WHR1: variants seen among roughly 807,000 people sequenced by gnomAD.
WHR1 encodes the protein MHC class III HLA-RP1.
the WHR1 span, chr6:31,971,296 T>A: frequency 6.5e-7 from 1 of 1,537,382 alleles, no homozygotes; most frequent in South Asian, 1.3e-5. The surrounding 1 kb of genome is among the most constrained non-coding windows in gnomAD (Gnocchi z 4.5). Context: ...TCTCCAGATA[T>A]ACTGCCTACC....
At chr6:31,980,740 G>A in the WHR1 span, 3 of 1,607,522 alleles carry the variant, frequency 1.9e-6, 1 homozygote, top group South Asian at 2.2e-5. Context: ...GGCGCCTGTC[G>A]TGGTGCGGCT....
At chr6:31,980,725 C>T in the WHR1 span, 31 of 1,608,874 alleles carry the variant, frequency 1.9e-5, no homozygotes, top group South Asian at 5.5e-5. Flanking sequence ...GCTCCTGGGC[C>T]GGCGGGCGCC....
At chr6:31,979,685 T>A in the WHR1 span, 1 of 1,217,586 alleles carries the variant, frequency 8.2e-7, no homozygotes, top group Non-Finnish European at 1.1e-6. Context: ...CTCTTCTTGT[T>A]AATAAAATGA....
chr6:31,979,543 T>C, the WHR1 span: 1 of 1,612,912 alleles, frequency 6.2e-7, no homozygotes, highest in Non-Finnish European at 8.5e-7. Context: ...CTTCAGGGAC[T>C]CAGAAATCAC....
At chr6:31,973,024 CG>C in the WHR1 span, 2 of 693,784 alleles carry the variant, frequency 2.9e-6, no homozygotes, top group African/African-American at 1.8e-5. Flanking sequence ...TGCAGTCAGA[CG>C]TCAGATCATG....
chr6:31,978,884 C>G, the WHR1 span: 43 of 1,611,842 alleles, frequency 2.7e-5, no homozygotes, highest in African/African-American at 1.3e-5. Flanking sequence ...TCTTTTCACT[C>G]TCTTCTCTGT....
At chr6:31,972,586 C>T in the WHR1 span, 1 of 1,598,650 alleles carries the variant, frequency 6.3e-7, no homozygotes, top group Non-Finnish European at 8.6e-7. The surrounding 1 kb of genome is among the most constrained non-coding windows in gnomAD (Gnocchi z 6.3). Context: ...GTCCCCGCCC[C>T]AGTTCCCTGT....
chr6:31,979,179 G>T, the WHR1 span, among the ~76,000 whole-genome samples: 1 of 137,310 alleles, frequency 7.3e-6, no homozygotes. Context: ...AAAGAGGGAG[G>T]AGTGAGAGGG....
the WHR1 span, chr6:31,972,252 G>C: frequency 1.9e-6 from 3 of 1,612,978 alleles, no homozygotes; most frequent in East Asian, 2.2e-5. This position sits in a 1 kb window ranked among gnomAD's most constrained non-coding sequence, Gnocchi z 6.3. Flanking sequence ...CAGCACTGAC[G>C]GGCCTGAGGG....
chr6:31,972,570 A>C, the WHR1 span: 1 of 1,594,916 alleles, frequency 6.3e-7, no homozygotes, highest in Non-Finnish European at 8.6e-7. The surrounding 1 kb of genome is among the most constrained non-coding windows in gnomAD (Gnocchi z 6.3). Context: ...GTTTTGTTAG[A>C]ACCGCGTCCC....
the WHR1 span, chr6:31,971,442 T>C: frequency 2.5e-6 from 4 of 1,613,530 alleles, no homozygotes; most frequent in African/African-American, 5.3e-5. This position sits in a 1 kb window ranked among gnomAD's most constrained non-coding sequence, Gnocchi z 4.5. Context: ...AGTTGGGGCC[T>C]GGACCGTTAG....
chr6:31,972,326 G>C, the WHR1 span: 1 of 1,613,138 alleles, frequency 6.2e-7, no homozygotes, highest in Non-Finnish European at 8.5e-7. This position sits in a 1 kb window ranked among gnomAD's most constrained non-coding sequence, Gnocchi z 6.3. Context: ...GAGACCGTAC[G>C]TCACTGCTCT....
the WHR1 span, among the ~76,000 whole-genome samples, chr6:31,978,583 C>T: frequency 6.6e-6 from 1 of 152,202 alleles, no homozygotes; most frequent in Admixed American, 6.5e-5. Context: ...CCCCACCTTA[C>T]CCTACCCAGA....
At chr6:31,978,792 G>A in the WHR1 span, 1 of 912,924 alleles carries the variant, frequency 1.1e-6, no homozygotes. Context: ...TTTACTAAGA[G>A]AAAATGCCCC....
chr6:31,976,094 C>CA, the WHR1 span, among the ~76,000 whole-genome samples: 13 of 147,430 alleles, frequency 8.8e-5, no homozygotes, highest in Non-Finnish European at 1.7e-4. Context: ...GGGCTGACCC[C>CA]CCACCTCCCT....
At chr6:31,978,995 C>A in the WHR1 span, 1 of 1,611,870 alleles carries the variant, frequency 6.2e-7, no homozygotes, top group African/African-American at 1.3e-5. Context: ...ACTACAGGAC[C>A]AGAGTATGTG....
the WHR1 span, among the ~76,000 whole-genome samples, chr6:31,977,636 A>AT: frequency 6.6e-6 from 1 of 151,836 alleles, no homozygotes; most frequent in Non-Finnish European, 1.5e-5. Flanking sequence ...GGCATGAGCC[A>AT]CCGCATCTGG....
the WHR1 span, chr6:31,972,793 T>G: frequency 1.2e-6 from 2 of 1,605,562 alleles, no homozygotes; most frequent in Non-Finnish European, 1.7e-6. This position sits in a 1 kb window ranked among gnomAD's most constrained non-coding sequence, Gnocchi z 6.3. Context: ...GAAGCCCCTT[T>G]CCTAACTCCT....
At chr6:31,975,903 G>A in the WHR1 span, among the ~76,000 whole-genome samples, 5 of 142,224 alleles carry the variant, frequency 3.5e-5, no homozygotes, top group South Asian at 2.3e-4. Flanking sequence ...CTGGCCGGGC[G>A]GGGGGCTGAC....
Sources: gnomAD v4.1 joint callset for allele counts (sites outside exome capture counted in the v4.1 genomes callset) on GRCh38, gnomAD v4.1.1 for gene constraint, Gnocchi (gnomAD v3.1) non-coding constraint, MANE v1.5 for transcripts, NCBI Gene and HGNC (gene_info 2026-07-23, HGNC 2026-07-21) for gene names.